SLC4A4: variants seen among roughly 807,000 people sequenced by gnomAD.
SLC4A4 encodes the protein solute carrier family 4 member 4.
Under a neutral mutation model 111.5 loss-of-function variants are expected in SLC4A4, and 27 were observed. The observed-to-expected ratio is 0.24, with a 90% CI of 0.18 to 0.33. SLC4A4 has a LOEUF of 0.33. Ranked by LOEUF, SLC4A4 falls within the 10% of genes least tolerant of loss-of-function variation. The pLI is 1.00. For missense variants in SLC4A4, 909 were observed against 1,315.5 expected, an observed-to-expected ratio of 0.69 and a Z score of 4.78; for synonymous variants, 443 against 463.4, an observed-to-expected ratio of 0.96 and a Z score of 0.57.
At position 71,486,829 on chromosome 4, in the gene SLC4A4, ATGT is replaced by A. The variant is rs1729445264; in HGVS notation, c.1904-114_1904-112del. 7 of 604,888 alleles carry A rather than the reference ATGT, an allele frequency of 1.2e-5. No homozygotes were observed. The East Asian group carries it at 2.1e-4, about 18-fold the overall frequency. The allele number at this position is 604,888 out of a possible 1,614,324, so 37.5% of individuals were successfully genotyped here. A position where few individuals can be genotyped will look rare whatever the true frequency, so the allele number is the denominator to read the frequency against. On this transcript the variant is annotated intron_variant, in intron 14 of 25. Coordinates refer to ENST00000264485, the MANE Select transcript of SLC4A4 (RefSeq NM_001098484.3). Reference sequence around the variant, plus strand: ...ATAAATAAAAATTCATTGTGCCCTTATGTTGTTATTAAAGACATTTTTACTGTA... The same window carrying A: ...ATAAATAAAAATTCATTGTGCCCTTATGTTATTAAAGACATTTTTACTGTA...
intron 14 of SLC4A4, among the ~76,000 whole-genome samples, chr4:71,478,160 G>A (rs1379397025): frequency 6.6e-6 from 1 of 151,968 alleles, no homozygotes; most frequent in Non-Finnish European, 1.5e-5. Context: ...CACACTGTTG[G>A]TGGGAGTGTA....
rs549911171 is a variant in SLC4A4, at chr4:71,524,018, C to G, written c.2167-8044C>G. 1.8e-4 allele frequency among the ~76,000 whole-genome samples: 28 copies of G among 152,202 alleles called. No homozygotes were observed. In the South Asian group the frequency reaches 5.6e-3, roughly 30 times the overall value. ...CCTGCAGGCATTCTTGATAGAAACACAAATCTACCTTTCCGTAGCCTCTGT... is the reference window on the plus strand; with the variant it reads ...CCTGCAGGCATTCTTGATAGAAACAGAAATCTACCTTTCCGTAGCCTCTGT... On this transcript the variant is annotated intron_variant, in intron 16 of 25. Coordinates refer to ENST00000264485, the MANE Select transcript of SLC4A4 (RefSeq NM_001098484.3).
At chr4:71,151,021 A>G (rs1200122467) in intron 2 of SLC4A4, among the ~76,000 whole-genome samples, 1 of 152,234 alleles carries the variant, frequency 6.6e-6, no homozygotes, top group Non-Finnish European at 1.5e-5. Flanking sequence ...TGTTCAATAC[A>G]GTAGCCACTA....
intron 9 of SLC4A4, among the ~76,000 whole-genome samples, chr4:71,448,415 A>G (rs1725450936): frequency 6.6e-6 from 1 of 151,974 alleles, no homozygotes; most frequent in Admixed American, 6.6e-5. Flanking sequence ...TCAAATGTCT[A>G]TATTCTATAT....
intron 3 of SLC4A4, among the ~76,000 whole-genome samples, chr4:71,331,853 ATTAC>A (rs1302663136): frequency 6.6e-6 from 1 of 152,072 alleles, no homozygotes; most frequent in Non-Finnish European, 1.5e-5. Flanking sequence ...CTTTAATCTA[ATTAC>A]TTGTTGTTAG....
At chr4:71,243,333 C>T (rs1329541524) in intron 2 of SLC4A4, among the ~76,000 whole-genome samples, 1 of 152,106 alleles carries the variant, frequency 6.6e-6, no homozygotes, top group South Asian at 2.1e-4. Flanking sequence ...TGAGATTATG[C>T]AACAGTATGG....
intron 20 of SLC4A4, among the ~76,000 whole-genome samples, chr4:71,550,155 A>C (rs1735860280): frequency 6.6e-6 from 1 of 151,986 alleles, no homozygotes; most frequent in Non-Finnish European, 1.5e-5. Flanking sequence ...TTTCCCCAAA[A>C]TGTGGGAAAT....
At chr4:71,451,362 C>T (rs987207766) in intron 11 of SLC4A4, 61 bp downstream of exon 11, 6 of 1,024,332 alleles carry the variant, frequency 5.9e-6, no homozygotes, top group Non-Finnish European at 7.8e-6. Context: ...AATTTCCCTT[C>T]ATCTATCAAC....
intron 15 of SLC4A4, among the ~76,000 whole-genome samples, chr4:71,491,903 A>G (rs1729957753): frequency 1.3e-5 from 2 of 151,730 alleles, no homozygotes; most frequent in Non-Finnish European, 2.9e-5. Context: ...CCATGAACCT[A>G]TTGATGACAC....
chr4:71,401,190 A>AT (rs1400900435), intron 7 of SLC4A4, among the ~76,000 whole-genome samples: 1 of 152,160 alleles, frequency 6.6e-6, no homozygotes. Context: ...TTGAGGGCAT[A>AT]TTTTTTATGA....
chr4:71,119,144 T>C (rs1418105831), intron 2 of SLC4A4, among the ~76,000 whole-genome samples: 3 of 152,226 alleles, frequency 2.0e-5, no homozygotes, highest in Non-Finnish European at 4.4e-5. Context: ...GTGGAAAGGC[T>C]ACTATCATGT....
intron 1 of SLC4A4, among the ~76,000 whole-genome samples, chr4:71,089,849 C>T (rs988274952): frequency 1.3e-5 from 2 of 151,154 alleles, no homozygotes; most frequent in African/African-American, 4.9e-5. Context: ...GGTCAGGAAC[C>T]CACTTGAGGA....
At position 71,472,849 on chromosome 4, in the gene SLC4A4, C is replaced by T; in HGVS notation, c.1782C>T (p.Phe594=). ...TEEGFSSLIS[F]IFIYDAFKKM... is the part of the protein sequence containing the mutation. ...AGGGCTTTTCCTCTCTGATTAGCTT[C>T]ATCTTTATCTATGATGCTTTCAAGA... is the stretch of plus-strand genomic sequence containing the variant. The change falls in exon 14 of 26, where the codon TTC becomes TTT. Residue 594 remains phenylalanine, a synonymous_variant. Transcript: ENST00000264485. 3 of 1,612,958 alleles carry T rather than the reference C, an allele frequency of 1.9e-6. No homozygotes were observed. Among genetic ancestry groups the T allele is most frequent in the Non-Finnish European group, 2.5e-6 (3 of 1,179,386 alleles).
intron 6 of SLC4A4, among the ~76,000 whole-genome samples, chr4:71,379,084 C>T (rs899089032): frequency 2.0e-5 from 3 of 152,176 alleles, no homozygotes; most frequent in African/African-American, 4.8e-5. Context: ...TTGTTTTCCA[C>T]GCCTTCACTC....
At chr4:71,147,655 G>A (rs926044740) in intron 2 of SLC4A4, among the ~76,000 whole-genome samples, 1 of 152,106 alleles carries the variant, frequency 6.6e-6, no homozygotes, top group Non-Finnish European at 1.5e-5. Context: ...CTAATTTATA[G>A]CATTGTGACA....
In SLC4A4 at chr4:71,120,938, C is replaced by T. The variant is rs550386496; in HGVS notation, c.-2+28146C>T. 2.0e-4 allele frequency among the ~76,000 whole-genome samples: 30 copies of T among 152,310 alleles called. 1 individual carries two copies. The highest frequency in any genetic ancestry group is 6.7e-4 in the African/African-American group (28 of 41,576). ...CGGGGAGGTGTGGAGGGAGAGGCGC[C>T]GGCAGGAACCAGGGCAGCACGCCGC... On this transcript the variant is annotated intron_variant, in intron 2 of 26. Transcript: ENST00000649996.
At chr4:71,150,663 A>G (rs1744291661) in intron 2 of SLC4A4, among the ~76,000 whole-genome samples, 1 of 152,052 alleles carries the variant, frequency 6.6e-6, no homozygotes, top group South Asian at 2.1e-4. Flanking sequence ...CAACTAGCAA[A>G]CTCTTCATAT....
At chr4:71,514,459 A>C (rs1468745431) in intron 16 of SLC4A4, among the ~76,000 whole-genome samples, 1 of 152,204 alleles carries the variant, frequency 6.6e-6, no homozygotes, top group East Asian at 1.9e-4. Context: ...GCCAATTAAA[A>C]TTCTTTTCTT....
chr4:71,250,948 G>A (rs997817304), intron 2 of SLC4A4, among the ~76,000 whole-genome samples: 4 of 152,180 alleles, frequency 2.6e-5, no homozygotes, highest in African/African-American at 9.7e-5. Context: ...GGGGATAGGA[G>A]CAGGATTGCA....
Sources: allele counts gnomAD v4.1 joint callset (sites outside exome capture counted in the v4.1 genomes callset), GRCh38; gene constraint gnomAD v4.1.1; transcripts MANE v1.5; gene names NCBI Gene and HGNC (gene_info 2026-07-23, HGNC 2026-07-21).